Variants in RIC8B observed in about 807,000 individuals in gnomAD.
The protein encoded by RIC8B is chaperone Ric-8B.
A neutral mutation model predicts 57.5 loss-of-function variants in RIC8B; 16 were observed. That is an observed-to-expected ratio of 0.28 (90% CI 0.19 to 0.42). RIC8B has a LOEUF of 0.42. Among genes scored for constraint, RIC8B ranks in the 10% least tolerant of loss-of-function variants. The pLI is 1.00. For missense variants in RIC8B, 481 were observed against 677.0 expected (o/e 0.71, Z 3.21); for synonymous variants, 216 against 250.8 (o/e 0.86, Z 1.31).
chr12:106,835,191 A>G lies in RIC8B; in HGVS notation c.837-7398A>G, dbSNP rs148898451. Among the ~76,000 whole-genome samples the G allele has an allele frequency of 2.9e-3, 445 of 152,172 alleles. 1 individual carries two copies. The highest frequency in any genetic ancestry group is 0.01 in the African/African-American group (426 of 41,522). ...TCCTCTGCCAGCACAACTCTGGTTT[A>G]AGGTCATTAGTAAGTTACCTTATCA... On this transcript the variant is annotated intron_variant, in intron 4 of 9. Coordinates refer to ENST00000392837, the MANE Select transcript of RIC8B (RefSeq NM_001330145.2).
intron 9 of RIC8B, among the ~76,000 whole-genome samples, chr12:106,873,380 A>G (rs1950530656): frequency 6.6e-6 from 1 of 152,176 alleles, no homozygotes; most frequent in South Asian, 2.1e-4. Context: ...AATACAATCA[A>G]TGACAAAACT....
intron 6 of RIC8B, among the ~76,000 whole-genome samples, chr12:106,845,916 A>C (rs766598719): frequency 2.0e-5 from 3 of 152,168 alleles, no homozygotes. Flanking sequence ...ATTTGATGTA[A>C]GTATTCCCTC....
At chr12:106,837,387 A>G (rs979267700) in intron 4 of RIC8B, among the ~76,000 whole-genome samples, 1 of 152,080 alleles carries the variant, frequency 6.6e-6, no homozygotes, top group Non-Finnish European at 1.5e-5. Flanking sequence ...TAACCCATAC[A>G]TACTAGTTTA....
chr12:106,840,770 G>A (rs1003388730), intron 4 of RIC8B, among the ~76,000 whole-genome samples: 1 of 152,064 alleles, frequency 6.6e-6, no homozygotes, highest in East Asian at 1.9e-4. Flanking sequence ...TACTTTAAAC[G>A]AATTTAAAGG....
chr12:106,775,174 C>T lies in RIC8B; in HGVS notation c.84+345C>T, dbSNP rs1008048733. The T allele has an allele frequency of 3.6e-5, 15 of 420,334 alleles. 1 individual carries two copies. Among genetic ancestry groups the T allele is most frequent in the South Asian group, 2.4e-4 (12 of 50,348 alleles). The allele number at this position is 420,334 out of a possible 1,614,324, so 26.0% of individuals were successfully genotyped here. On this transcript the variant is annotated intron_variant, in intron 1 of 9. Coordinates refer to ENST00000392837, the MANE Select transcript of RIC8B (RefSeq NM_001330145.2). Reference sequence around the variant, plus strand: ...ATAAATGCATGAGAGGCTTCCTCACCTGTATAGCATAAAAATACGTGCTTC... The same window carrying T: ...ATAAATGCATGAGAGGCTTCCTCACTTGTATAGCATAAAAATACGTGCTTC...
chr12:106,883,799 C>T (rs996482686), intron 9 of RIC8B, among the ~76,000 whole-genome samples: 2 of 151,936 alleles, frequency 1.3e-5, no homozygotes, highest in Non-Finnish European at 2.9e-5. Context: ...ATAAAACAAA[C>T]GTAATCAAAC....
At chr12:106,803,600 T>A (rs1195533463) in intron 2 of RIC8B, among the ~76,000 whole-genome samples, 1 of 152,254 alleles carries the variant, frequency 6.6e-6, no homozygotes. Flanking sequence ...TTGCAGTTTT[T>A]CACTTTCTCT....
chr12:106,785,829 G>A (rs1446138903), intron 2 of RIC8B, among the ~76,000 whole-genome samples: 1 of 94,494 alleles, frequency 1.1e-5, no homozygotes, highest in African/African-American at 3.7e-5. Flanking sequence ...GTGTGTGTGT[G>A]TGTGTGTGTG....
chr12:106,853,681 A>T (rs1208270509), intron 7 of RIC8B, among the ~76,000 whole-genome samples: 4 of 151,458 alleles, frequency 2.6e-5, no homozygotes, highest in African/African-American at 9.7e-5. Context: ...ATTGGCCAGG[A>T]TGGTCTCGAA....
At chr12:106,852,824 A>G (rs1949532200) in intron 7 of RIC8B, among the ~76,000 whole-genome samples, 1 of 152,240 alleles carries the variant, frequency 6.6e-6, no homozygotes, top group African/African-American at 2.4e-5. Context: ...ATGACTTTGA[A>G]AAAAGATTGA....
At position 106,774,752 on chromosome 12, in the gene RIC8B, G is replaced by C. The variant is rs1366351797; in HGVS notation, c.7G>C (p.Glu3Gln). Residue 3 changes from glutamate to glutamine, a missense_variant, in exon 1 of 10, where the codon GAG (glutamate) becomes CAG (glutamine). Physicochemically the swap from Glu to Gln is conservative, Grantham distance 29 (BLOSUM62 2). This residue lies in a region of RIC8B where 421 missense variants were observed against 560.9 expected (regional missense o/e 0.75). Coordinates refer to ENST00000392837, the MANE Select transcript of RIC8B (RefSeq NM_001330145.2). MD[E>Q]ERALYIVRAG... Reference sequence around the variant, plus strand: ...CTCCCCCGCACCTGCGGCCATGGATGAGGAGCGCGCCCTCTACATCGTCCG... The same window carrying C: ...CTCCCCCGCACCTGCGGCCATGGATCAGGAGCGCGCCCTCTACATCGTCCG... The C allele has an allele frequency of 6.4e-7, 1 of 1,550,494 alleles. No individual in the cohort carries two copies. The highest frequency in any genetic ancestry group is 8.7e-7 in the Non-Finnish European group (1 of 1,146,390).
intron 1 of RIC8B, among the ~76,000 whole-genome samples, chr12:106,782,035 T>G (rs2043787858): frequency 6.6e-6 from 1 of 151,016 alleles, no homozygotes. Context: ...TTCTTGTTCT[T>G]TATTATCTAT....
intron 7 of RIC8B, among the ~76,000 whole-genome samples, chr12:106,855,257 A>C (rs2136489162): frequency 6.6e-6 from 1 of 152,324 alleles, no homozygotes; most frequent in Middle Eastern, 3.4e-3. Context: ...TTGTCTCTTT[A>C]GCTTGAGGTT....
At chr12:106,781,158 C>T (rs2043746514) in intron 1 of RIC8B, among the ~76,000 whole-genome samples, 1 of 152,080 alleles carries the variant, frequency 6.6e-6, no homozygotes, top group South Asian at 2.1e-4. Context: ...TCGTGTTGCC[C>T]TGGCTGGTCT....
intron 6 of RIC8B, among the ~76,000 whole-genome samples, chr12:106,847,984 A>G (rs1021983937): frequency 6.6e-6 from 1 of 152,184 alleles, no homozygotes; most frequent in Non-Finnish European, 1.5e-5. Context: ...CAGACAAGTA[A>G]ACAGATAATT....
In RIC8B at chr12:106,833,328, G is replaced by A. The variant is rs771945418; in HGVS notation, c.836+7508G>A. Among the ~76,000 whole-genome samples the A allele has an allele frequency of 3.3e-5, 5 of 152,236 alleles. No individual in the cohort carries two copies. The East Asian group carries it at 5.8e-4, about 18-fold the overall frequency. On this transcript the variant is annotated intron_variant, in intron 4 of 9. Coordinates refer to ENST00000392837, the MANE Select transcript of RIC8B (RefSeq NM_001330145.2). Reference sequence around the variant, plus strand: ...AAACTTTCAAAATTATCAGCTGGGCGTGGTGGCTCACGCCTGTAATCCCAG... The same window carrying A: ...AAACTTTCAAAATTATCAGCTGGGCATGGTGGCTCACGCCTGTAATCCCAG...
At chr12:106,877,775 A>G (rs1451202012) in intron 9 of RIC8B, among the ~76,000 whole-genome samples, 1 of 152,180 alleles carries the variant, frequency 6.6e-6, no homozygotes, top group Non-Finnish European at 1.5e-5. Flanking sequence ...GCGGCCCAAC[A>G]CAAGTTAATA....
At chr12:106,875,074 C>T (rs145112555) in intron 9 of RIC8B, among the ~76,000 whole-genome samples, 126 of 152,216 alleles carry the variant, frequency 8.3e-4, no homozygotes, top group African/African-American at 2.9e-3. Flanking sequence ...CTTTAAAGTA[C>T]ACTCTGTCAG....
intron 8 of RIC8B, among the ~76,000 whole-genome samples, chr12:106,862,331 G>A (rs1481753009): frequency 1.3e-5 from 2 of 151,962 alleles, no homozygotes; most frequent in Non-Finnish European, 2.9e-5. Context: ...ATTTGCATCT[G>A]TTTTTCTCTT....
Sources: allele counts gnomAD v4.1 joint callset (sites outside exome capture counted in the v4.1 genomes callset), GRCh38; gene constraint gnomAD v4.1.1; regional missense constraint gnomAD v4.1.1; transcripts MANE v1.5; gene names NCBI Gene and HGNC (gene_info 2026-07-23, HGNC 2026-07-21).